The following TNKS2 variants were observed in gnomAD, a reference collection of about 807,000 sequenced individuals.
The protein encoded by TNKS2 is poly [ADP-ribose] polymerase tankyrase-2.
A neutral mutation model predicts 137.6 loss-of-function variants in TNKS2; 72 were observed. The observed-to-expected ratio is 0.52, with a 90% CI of 0.43 to 0.64. The LOEUF is 0.64. Among genes scored for constraint, TNKS2 ranks in the 30% least tolerant of loss-of-function variants. The probability of loss-of-function intolerance (pLI) is 0.00; values close to 1 mark genes in which losing one functional copy is unlikely to be tolerated. For synonymous variants in TNKS2, 516 were observed against 512.1 expected, an observed-to-expected ratio of 1.01 and a Z score of -0.10; for missense variants, 1,049 against 1,410.2, an observed-to-expected ratio of 0.74 and a Z score of 4.10.
chr10:91,811,780 C>A (rs1221764505), intron 1 of TNKS2, among the ~76,000 whole-genome samples: 6 of 152,200 alleles, frequency 3.9e-5, no homozygotes, highest in African/African-American at 1.4e-4. Flanking sequence ...GAATGGAGGG[C>A]TGGGCGCAGT....
intron 2 of TNKS2, among the ~76,000 whole-genome samples, chr10:91,816,166 T>C (rs760118126): frequency 6.6e-6 from 1 of 152,024 alleles, no homozygotes; most frequent in Non-Finnish European, 1.5e-5. Context: ...GCCAGGATGG[T>C]CTCGATCTCC....
intron 22 of TNKS2, 120 bp downstream of exon 22, chr10:91,855,246 T>G: frequency 1.5e-6 from 1 of 682,080 alleles, no homozygotes; most frequent in Non-Finnish European, 2.5e-6. Context: ...AAATCTGTTT[T>G]CAAGCTGATT....
intron 11 of TNKS2, 54 bp from the exon 12 acceptor site, chr10:91,833,799 A>G (rs1841898884): frequency 1.4e-6 from 2 of 1,396,016 alleles, no homozygotes; most frequent in Non-Finnish European, 1.9e-6. Flanking sequence ...ACATGATTGT[A>G]TGGTTTTAAA....
chr10:91,842,582 T>C (rs1180975950), intron 16 of TNKS2, among the ~76,000 whole-genome samples, 191 bp downstream of exon 16: 3 of 152,104 alleles, frequency 2.0e-5, no homozygotes, highest in African/African-American at 7.2e-5. Context: ...GAGAGCAGCC[T>C]GGGCAACATG....
At chr10:91,814,329 A>G (rs1237905471) in intron 2 of TNKS2, among the ~76,000 whole-genome samples, 1 of 152,250 alleles carries the variant, frequency 6.6e-6, no homozygotes, top group African/African-American at 2.4e-5. Flanking sequence ...GTATAGCTGT[A>G]CATAGTGTTT....
At chr10:91,834,831 C>G (rs189127239) in intron 12 of TNKS2, among the ~76,000 whole-genome samples, 6 of 152,246 alleles carry the variant, frequency 3.9e-5, no homozygotes, top group African/African-American at 1.2e-4. Flanking sequence ...TAACACTGGT[C>G]CTATTCAGTT....
intron 1 of TNKS2, chr10:91,807,368 C>A (rs1844357153): frequency 6.2e-7 from 1 of 1,614,022 alleles, no homozygotes; most frequent in South Asian, 1.1e-5. Flanking sequence ...CCACACGTGC[C>A]TTCATAGGGT....
chr10:91,834,710 A>T (rs1841941576), intron 12 of TNKS2, among the ~76,000 whole-genome samples: 1 of 152,194 alleles, frequency 6.6e-6, no homozygotes, highest in African/African-American at 2.4e-5. Flanking sequence ...AAGCAGATTG[A>T]TACAACCTCC....
At chr10:91,816,724 C>T (rs1314590622) in intron 2 of TNKS2, among the ~76,000 whole-genome samples, 1 of 146,910 alleles carries the variant, frequency 6.8e-6, no homozygotes, top group African/African-American at 2.6e-5. Flanking sequence ...TATCTCTGTT[C>T]CCAGGCTATC....
At chr10:91,815,159 A>T (rs1021137726) in intron 2 of TNKS2, among the ~76,000 whole-genome samples, 1 of 152,210 alleles carries the variant, frequency 6.6e-6, no homozygotes, top group Non-Finnish European at 1.5e-5. Context: ...TAAAACAGGG[A>T]CAGTTGAAAT....
rs1564624648 is a variant in TNKS2 at position 91,845,738 on chromosome 10, ATTTTC to A, written c.2170-9_2170-5del. 2.0e-6 allele frequency: 3 copies of A among 1,477,918 alleles called. No homozygotes were observed. Among genetic ancestry groups the A allele is most frequent in the Non-Finnish European group, 2.7e-6 (3 of 1,100,408 alleles). 91.6% of individuals were successfully genotyped at this position (1,477,918 alleles called of 1,614,324 possible). On this transcript the variant is annotated splice_polypyrimidine_tract_variant and intron_variant, in intron 17 of 26. Transcript: ENST00000371627. ...AATAATATTTCAGACTGTAACGGGT[ATTTTC>A]TTTTACAGCATGTAGATGTAGCAGC...
intron 1 of TNKS2, among the ~76,000 whole-genome samples, chr10:91,811,548 TCAAAGATA>T (rs981705671): frequency 2.0e-5 from 3 of 152,080 alleles, no homozygotes; most frequent in African/African-American, 7.2e-5. Flanking sequence ...GGAGGAAGAA[TCAAAGATA>T]CAAAGATACT....
intron 11 of TNKS2, 40 bp downstream of exon 11, chr10:91,831,221 T>A (rs1303812131): frequency 2.6e-6 from 4 of 1,555,656 alleles, no homozygotes; most frequent in Non-Finnish European, 3.5e-6. Context: ...ATCCAATGAG[T>A]TATTTTTTAT....
rs1168244074 is a variant in TNKS2, at chr10:91,864,791, G to C, written c.*1792G>C. ...ATTTTTCAGATTATCTAAGCTTCCA[G>C]GTTTTATAATTAGAAGATAATGAGA... On this transcript the variant is annotated 3_prime_UTR_variant, in exon 27 of 27. Coordinates refer to ENST00000371627, the MANE Select transcript of TNKS2 (RefSeq NM_025235.4). 6.6e-6 allele frequency: 1 copy of C among 152,528 alleles called. No homozygotes were observed. The highest frequency in any genetic ancestry group is 1.5e-5 in the Non-Finnish European group (1 of 68,030). The allele number at this position is 152,528 out of a possible 1,614,324, so 9.4% of individuals were successfully genotyped here.
chr10:91,859,525 G>T lies in TNKS2; in HGVS notation c.3158G>T (p.Gly1053Val). 1 of 1,613,934 alleles carries T rather than the reference G, an allele frequency of 6.2e-7. No individual in the cohort carries two copies. Residue 1053 changes from glycine (G) to valine (V), a missense_variant, in exon 25 of 27, where the codon GGT becomes GTT. Coordinates refer to ENST00000371627, the MANE Select transcript of TNKS2 (RefSeq NM_025235.4). The stretch of plus-strand genomic sequence containing the variant: ...GATGAAAGGCATGCGTACATAGGTG[G>T]TATGTTTGGAGCTGGCATTTATTTT... ...GFDERHAYIG[G>V]MFGAGIYFAE...
chr10:91,810,668 A>G (rs1366989326), intron 1 of TNKS2, among the ~76,000 whole-genome samples: 9 of 150,452 alleles, frequency 6.0e-5, no homozygotes, highest in Admixed American at 5.9e-4. Context: ...ACGCCCAGCT[A>G]ATTTTTTTTT....
At position 91,819,268 on chromosome 10, in the gene TNKS2, A is replaced by G; in HGVS notation, c.521-2A>G. ...ATACTTTTTTTTTTTTCTAATTCAC[A>G]GGTGAATATAAGAAAGATGAACTCT... On this transcript the variant is annotated splice_acceptor_variant, in intron 3 of 26. Coordinates refer to ENST00000371627, the MANE Select transcript of TNKS2 (RefSeq NM_025235.4). LOFTEE classifies it high-confidence loss of function. 7.1e-7 allele frequency: 1 copy of G among 1,413,788 alleles called. No individual in the cohort carries two copies. The highest frequency in any genetic ancestry group is 1.6e-5 in the South Asian group (1 of 63,450). The allele number at this position is 1,413,788 out of a possible 1,614,324, so 87.6% of individuals were successfully genotyped here.
intron 17 of TNKS2, 105 bp from the exon 18 acceptor site, chr10:91,845,647 A>T: frequency 1.1e-6 from 1 of 929,064 alleles, no homozygotes; most frequent in Non-Finnish European, 1.5e-6. Flanking sequence ...TCATTTCCAG[A>T]ATAAGTTTGA....
chr10:91,848,430 T>C lies in TNKS2; in HGVS notation c.2406T>C (p.Ala802=). ...ALLTAAMPPS[A]LPSCYKPQVL... Reference sequence around the variant, plus strand: ...TGACAGCAGCCATGCCCCCATCTGCTCTGCCCTCTTGTTACAAGCCTCAAG... The same window carrying C: ...TGACAGCAGCCATGCCCCCATCTGCCCTGCCCTCTTGTTACAAGCCTCAAG... Residue 802 remains alanine (A), a synonymous_variant, in exon 19 of 27, where the codon GCT becomes GCC. Transcript: ENST00000371627. The C allele has an allele frequency of 6.2e-7, 1 of 1,614,200 alleles. No individual in the cohort carries two copies. Among genetic ancestry groups the C allele is most frequent in the Admixed American group, 1.7e-5 (1 of 60,028 alleles).
Sources: gnomAD v4.1 joint callset for allele counts (sites outside exome capture counted in the v4.1 genomes callset) on GRCh38, gnomAD v4.1.1 for gene constraint, MANE v1.5 for transcripts, NCBI Gene and HGNC (gene_info 2026-07-23, HGNC 2026-07-21) for gene names.